Variants in DLGAP3 observed in about 807,000 individuals in gnomAD.
DLGAP3 encodes the protein disks large-associated protein 3.
Under a neutral mutation model 81.2 loss-of-function variants are expected in DLGAP3, and 17 were observed. The observed-to-expected ratio is 0.21, with a 90% CI of 0.14 to 0.31. The LOEUF (loss-of-function observed/expected upper bound fraction) is 0.31. Among genes scored for constraint, DLGAP3 ranks in the 10% least tolerant of loss-of-function variants. DLGAP3 has a pLI of 1.00. For missense variants in DLGAP3, 1,124 were observed against 1,388.0 expected (o/e 0.81, Z 3.02); for synonymous variants, 577 against 587.4 (o/e 0.98, Z 0.26).
rs902941197 is a variant in DLGAP3 at position 34,886,287 on chromosome 1, T to TG, written c.1387-3dup. On this transcript the variant is annotated splice_region_variant and splice_polypyrimidine_tract_variant and intron_variant, in intron 5 of 11. Coordinates refer to ENST00000373347, the MANE Select transcript of DLGAP3 (RefSeq NM_001080418.3). ...CTGCTGGTTCAACTCATCGCTGAGC[T>TG]GGGGGGCAGGGGGTCGGGAGGACAG... The TG allele has an allele frequency of 3.8e-6, 6 of 1,583,228 alleles. No homozygotes were observed. The highest frequency in any genetic ancestry group is 5.2e-6 in the Non-Finnish European group (6 of 1,164,068).
At position 34,869,018 on chromosome 1, in the gene DLGAP3, G is replaced by T; in HGVS notation, c.2072C>A (p.Ala691Glu). The T allele has an allele frequency of 6.2e-7, 1 of 1,603,670 alleles. No individual in the cohort carries two copies. The part of the protein sequence containing the change: ...VQADLELEGL[A>E]GLATVATEDK... Reference sequence around the variant, plus strand: ...TTCTGTGGCCACCGTGGCCAGGCCTGCCAGGCCCTCCAGCTCCAGGTCTGC... The same window carrying T: ...TTCTGTGGCCACCGTGGCCAGGCCTTCCAGGCCCTCCAGCTCCAGGTCTGC... The change falls in exon 9 of 12, where the codon GCA (alanine) becomes GAA (glutamate). Residue 691 changes from alanine (A) to glutamate (E), a missense_variant. Physicochemically the swap from Ala to Glu is moderately radical, Grantham distance 107. Transcript: ENST00000373347.
chr1:34,919,234 G>A (rs900608577), intron 1 of DLGAP3, among the ~76,000 whole-genome samples: 3 of 152,144 alleles, frequency 2.0e-5, no homozygotes, highest in Non-Finnish European at 2.9e-5. Flanking sequence ...TTGCAGGTCC[G>A]GGGGAGGAAG....
intron 1 of DLGAP3, among the ~76,000 whole-genome samples, chr1:34,923,970 G>T (rs1423742991): frequency 6.6e-6 from 1 of 152,068 alleles, no homozygotes; most frequent in Non-Finnish European, 1.5e-5. Flanking sequence ...GATCCCATTT[G>T]AATATTTGAT....
chr1:34,879,275 G>A (rs1369811257), intron 8 of DLGAP3, among the ~76,000 whole-genome samples: 2 of 151,946 alleles, frequency 1.3e-5, no homozygotes, highest in Non-Finnish European at 2.9e-5. Flanking sequence ...GCAACTAGAC[G>A]GTCCCATCTG....
Position 34,885,723 on chromosome 1 carries a change from T to A in DLGAP3, c.1669A>T (p.Thr557Ser). 7.1e-7 allele frequency: 1 copy of A among 1,416,286 alleles called. No individual in the cohort carries two copies. Among genetic ancestry groups the A allele is most frequent in the Non-Finnish European group, 9.1e-7 (1 of 1,093,522 alleles). The allele number at this position is 1,416,286 out of a possible 1,614,324, so 87.7% of individuals were successfully genotyped here. A position where few individuals can be genotyped will look rare whatever the true frequency, so the allele number is the denominator to read the frequency against. The part of the protein sequence containing the change: ...GSQAPPRISI[T>S]AQSSTDSAHE... ...GCGGAGTCGGTGCTGCTCTGGGCGG[T>A]GATGGAGATGCGGGGCGGGGCCTGG... Residue 557 changes from threonine (T) to serine (S), a missense_variant, in exon 7 of 12, where the codon ACC becomes TCC. Thr to Ser is a moderately conservative substitution (Grantham distance 58). Coordinates refer to ENST00000373347, the MANE Select transcript of DLGAP3 (RefSeq NM_001080418.3).
In DLGAP3 at chr1:34,904,197, C is replaced by T. The variant is rs1324006807; in HGVS notation, c.1107+80G>A. 3 of 1,566,108 alleles carry T rather than the reference C, an allele frequency of 1.9e-6. No individual in the cohort carries two copies. Among genetic ancestry groups the T allele is most frequent in the African/African-American group, 2.7e-5 (2 of 74,358 alleles). On this transcript the variant is annotated intron_variant, in intron 3 of 11. Coordinates refer to ENST00000373347, the MANE Select transcript of DLGAP3 (RefSeq NM_001080418.3). This position sits in a 1 kb window ranked among gnomAD's most constrained non-coding sequence, Gnocchi z 8.1. ...CATCACAGGGACAGCTGGCTCCCACCCAACCCTTTCCACTGCTCCCTAGTT... is the reference window on the plus strand; with the variant it reads ...CATCACAGGGACAGCTGGCTCCCACTCAACCCTTTCCACTGCTCCCTAGTT...
chr1:34,906,004 T>A (rs1639546084), intron 2 of DLGAP3, among the ~76,000 whole-genome samples: 1 of 32,264 alleles, frequency 3.1e-5, no homozygotes. Flanking sequence ...GAGCGAGACC[T>A]GGCCTCTAAA....
chr1:34,919,576 C>G (rs921981740), intron 1 of DLGAP3, among the ~76,000 whole-genome samples: 3 of 152,062 alleles, frequency 2.0e-5, no homozygotes, highest in Non-Finnish European at 2.9e-5. Context: ...GTCAGGAGTT[C>G]GAGACCAGCC....
At position 34,899,744 on chromosome 1, in the gene DLGAP3, G is replaced by A; in HGVS notation, c.1314-3C>T. 2.5e-6 allele frequency: 4 copies of A among 1,613,798 alleles called. No individual in the cohort carries two copies. The highest frequency in any genetic ancestry group is 2.5e-6 in the Non-Finnish European group (3 of 1,179,826). ...GGATCCGGGGTGGGACACAGCAGCT[G>A]GAAAAGGGCAAAATTCCGGAGTCAG... On this transcript the variant is annotated splice_polypyrimidine_tract_variant and splice_region_variant and intron_variant, in intron 4 of 11. Coordinates refer to ENST00000373347, the MANE Select transcript of DLGAP3 (RefSeq NM_001080418.3).
At chr1:34,922,882 T>A (rs775474622) in intron 1 of DLGAP3, among the ~76,000 whole-genome samples, 4 of 152,154 alleles carry the variant, frequency 2.6e-5, no homozygotes, top group Non-Finnish European at 5.9e-5. Flanking sequence ...TGGAAAGTTG[T>A]TCCTGTTATC....
chr1:34,896,457 C>T (rs900423384), intron 5 of DLGAP3, among the ~76,000 whole-genome samples: 6 of 152,110 alleles, frequency 3.9e-5, no homozygotes, highest in Non-Finnish European at 5.9e-5. Context: ...GGTGTGGTGG[C>T]GCACACGTGT....
chr1:34,866,367 C>T lies in DLGAP3; in HGVS notation c.2722-66G>A, dbSNP rs997814057. On this transcript the variant is annotated intron_variant, in intron 11 of 11. Coordinates refer to ENST00000373347, the MANE Select transcript of DLGAP3 (RefSeq NM_001080418.3). Reference sequence around the variant, plus strand: ...ATCCCAACACCCAGGTGTCCGCCCCCGCACCCCCGCGCCCAGAGTGCTGAC... The same window carrying T: ...ATCCCAACACCCAGGTGTCCGCCCCTGCACCCCCGCGCCCAGAGTGCTGAC... 21 of 1,311,370 alleles carry T rather than the reference C, an allele frequency of 1.6e-5. No homozygotes were observed. The African/African-American group carries it at 2.8e-4, about 18-fold the overall frequency. 81.2% of individuals were successfully genotyped at this position (1,311,370 alleles called of 1,614,324 possible).
At position 34,865,949 on chromosome 1, in the gene DLGAP3, G is replaced by A; in HGVS notation, c.*134C>T. On this transcript the variant is annotated 3_prime_UTR_variant, in exon 12 of 12. Coordinates refer to ENST00000373347, the MANE Select transcript of DLGAP3 (RefSeq NM_001080418.3). ...TAAAAAACCCACGAGAGTGTGACGG[G>A]CCCGGGGGCCGGGGCGTCCGGTGCC... The A allele has an allele frequency of 1.3e-6, 1 of 794,054 alleles. No individual in the cohort carries two copies. Among genetic ancestry groups the A allele is most frequent in the Non-Finnish European group, 2.0e-6 (1 of 494,318 alleles). 49.2% of individuals were successfully genotyped at this position (794,054 alleles called of 1,614,324 possible).
intron 11 of DLGAP3, 152 bp from the exon 12 acceptor site, chr1:34,866,453 C>G (rs1046713790): frequency 1.0e-5 from 7 of 674,866 alleles, no homozygotes; most frequent in Middle Eastern, 4.1e-4. Flanking sequence ...TGACCTGAAG[C>G]CCCAGGTGCT....
intron 8 of DLGAP3, among the ~76,000 whole-genome samples, chr1:34,877,238 C>T (rs1358191720): frequency 2.0e-5 from 3 of 152,122 alleles, no homozygotes; most frequent in East Asian, 3.9e-4. Flanking sequence ...AGACCCTGTG[C>T]GCAAAGTCGG....
At position 34,900,025 on chromosome 1, in the gene DLGAP3, T is replaced by A. The variant is rs1264188053; in HGVS notation, c.1313+43A>T. The A allele has an allele frequency of 1.3e-6, 2 of 1,541,224 alleles. No homozygotes were observed. The highest frequency in any genetic ancestry group is 1.8e-6 in the Non-Finnish European group (2 of 1,122,250). On this transcript the variant is annotated intron_variant, in intron 4 of 11. Coordinates refer to ENST00000373347, the MANE Select transcript of DLGAP3 (RefSeq NM_001080418.3). This position sits in a 1 kb window ranked among gnomAD's most constrained non-coding sequence, Gnocchi z 5.6. The stretch of plus-strand genomic sequence containing the variant: ...ACACATCTCCCGCAGGAGTCCAGCA[T>A]CAGCCTCCTGACCCCGCACCCCCCG...
intron 5 of DLGAP3, among the ~76,000 whole-genome samples, chr1:34,890,762 G>A (rs1211780637): frequency 6.6e-6 from 1 of 152,192 alleles, no homozygotes; most frequent in African/African-American, 2.4e-5. Flanking sequence ...CCAACACCTT[G>A]ATTGCAACTT....
At chr1:34,921,252 C>G (rs568235438) in intron 1 of DLGAP3, among the ~76,000 whole-genome samples, 3 of 152,196 alleles carry the variant, frequency 2.0e-5, no homozygotes, top group Non-Finnish European at 4.4e-5. Flanking sequence ...GGCAAGACCT[C>G]ATTTTCCTCT....
In DLGAP3 at chr1:34,900,254, C is replaced by T; in HGVS notation, c.1127G>A (p.Gly376Glu). The change falls in exon 4 of 12, where the codon GGG becomes GAG. Residue 376 changes from glycine (G) to glutamate (E), a missense_variant. By Grantham distance (98) the Gly-to-Glu change is moderately conservative. Around this residue, in one of 9 missense-constraint regions of DLGAP3, gnomAD observed 357 missense variants for 408.8 expected, o/e 0.87. Coordinates refer to ENST00000373347, the MANE Select transcript of DLGAP3 (RefSeq NM_001080418.3). The surrounding 1 kb of genome is among the most constrained non-coding windows in gnomAD (Gnocchi z 5.6). ...ATCCTTGCCACCGGTGGGGTAACCC[C>T]CCCAGTCATCTTGCGGCACCTGCAG... ...HYLQVPQDDWGGYPTGGKDGE... is the reference protein window; with the variant it reads ...HYLQVPQDDWEGYPTGGKDGE... 1 of 1,614,062 alleles carries T rather than the reference C, an allele frequency of 6.2e-7. No homozygotes were observed. Among genetic ancestry groups the T allele is most frequent in the Non-Finnish European group, 8.5e-7 (1 of 1,180,022 alleles).
Sources: allele counts gnomAD v4.1 joint callset (sites outside exome capture counted in the v4.1 genomes callset), GRCh38; gene constraint gnomAD v4.1.1; regional missense constraint gnomAD v4.1.1; non-coding constraint Gnocchi (gnomAD v3.1); transcripts MANE v1.5; gene names NCBI Gene and HGNC (gene_info 2026-07-23, HGNC 2026-07-21).